SKAP1: variants seen among roughly 807,000 people sequenced by gnomAD.
The protein encoded by SKAP1 is src kinase associated phosphoprotein 1.
A neutral mutation model predicts 58.5 loss-of-function variants in SKAP1; 44 were observed. The observed-to-expected ratio is 0.75, with a 90% confidence interval of 0.59 to 0.97. The LOEUF is 0.97. Among genes scored for constraint, SKAP1 ranks in the 50% least tolerant of loss-of-function variants. The pLI is 0.00. For missense variants in SKAP1, 390 were observed against 435.2 expected, an observed-to-expected ratio of 0.90 and a Z score of 0.92; for synonymous variants, 127 against 149.7, an observed-to-expected ratio of 0.85 and a Z score of 1.11.
At chr17:48,371,836 CAA>C (rs1440793501) in intron 2 of SKAP1, among the ~76,000 whole-genome samples, 4 of 119,274 alleles carry the variant, frequency 3.4e-5, no homozygotes, top group Admixed American at 8.7e-5. Flanking sequence ...GACCCTGTCT[CAA>C]AAAAAAAAAG....
chr17:48,262,578 A>G (rs1041699242), intron 4 of SKAP1, among the ~76,000 whole-genome samples: 1 of 152,232 alleles, frequency 6.6e-6, no homozygotes, highest in African/African-American at 2.4e-5. Flanking sequence ...TAAAATAAAC[A>G]ATGTATATTG....
chr17:48,144,910 A>G (rs2063810032), intron 11 of SKAP1, among the ~76,000 whole-genome samples: 1 of 152,196 alleles, frequency 6.6e-6, no homozygotes. Flanking sequence ...GCACATCTAC[A>G]AGTGACTGTG....
chr17:48,272,856 T>C (rs539037196), intron 4 of SKAP1, among the ~76,000 whole-genome samples: 2 of 152,328 alleles, frequency 1.3e-5, no homozygotes, highest in East Asian at 3.9e-4. Flanking sequence ...TGTGCCCAGC[T>C]GAAGAGGATC....
At position 48,296,549 on chromosome 17, in the gene SKAP1, T is replaced by C. The variant is rs112268124; in HGVS notation, c.280+49356A>G. 4.0e-3 allele frequency among the ~76,000 whole-genome samples: 609 copies of C among 152,300 alleles called. 8 individuals carry two copies. Among genetic ancestry groups the C allele is most frequent in the African/African-American group, 0.014 (583 of 41,560 alleles). On this transcript the variant is annotated intron_variant, in intron 4 of 12. Transcript: ENST00000336915. ...ACCATATATGCTGCCAGAATACATG[T>C]ATCTACTTTAAGTTTGCAAATATTC...
At chr17:48,387,386 A>G (rs1199881467) in intron 2 of SKAP1, among the ~76,000 whole-genome samples, 1 of 152,150 alleles carries the variant, frequency 6.6e-6, no homozygotes, top group Non-Finnish European at 1.5e-5. Context: ...TAAGACACCC[A>G]TGCCACTATC....
intron 4 of SKAP1, among the ~76,000 whole-genome samples, chr17:48,236,358 C>T (rs893652221): frequency 6.6e-6 from 1 of 152,076 alleles, no homozygotes; most frequent in African/African-American, 2.4e-5. Flanking sequence ...TTTGGGAGCA[C>T]AGAGAGGGTA....
intron 4 of SKAP1, among the ~76,000 whole-genome samples, chr17:48,304,066 A>C (rs541676933): frequency 1.4e-4 from 22 of 152,344 alleles, no homozygotes; most frequent in African/African-American, 5.0e-4. Flanking sequence ...TTAAATTCAC[A>C]ATCAGCTATA....
chr17:48,210,563 T>A (rs2064859913), intron 4 of SKAP1, among the ~76,000 whole-genome samples: 2 of 151,990 alleles, frequency 1.3e-5, no homozygotes, highest in Non-Finnish European at 2.9e-5. Flanking sequence ...GCAAGAGAAG[T>A]GCTATAGGCA....
intron 7 of SKAP1, among the ~76,000 whole-genome samples, chr17:48,184,403 C>G (rs1281520057): frequency 6.6e-6 from 1 of 151,940 alleles, no homozygotes; most frequent in African/African-American, 2.4e-5. Flanking sequence ...GGAATTTAAA[C>G]CATAAAATCG....
At chr17:48,202,649 G>A (rs1276738781) in intron 4 of SKAP1, among the ~76,000 whole-genome samples, 1 of 152,176 alleles carries the variant, frequency 6.6e-6, no homozygotes, top group Non-Finnish European at 1.5e-5. Flanking sequence ...AGGGGAAAAT[G>A]AGGGTGATGT....
chr17:48,137,092 G>A (rs749662962), intron 12 of SKAP1, 137 bp downstream of exon 12: 14 of 569,108 alleles, frequency 2.5e-5, no homozygotes, highest in Non-Finnish European at 3.8e-5. Flanking sequence ...CTTTCCATCA[G>A]TGGTGAATCA....
chr17:48,352,744 G>A (rs1239469939), intron 3 of SKAP1, among the ~76,000 whole-genome samples: 2 of 152,088 alleles, frequency 1.3e-5, no homozygotes, highest in Non-Finnish European at 2.9e-5. Flanking sequence ...CAAAGATGAA[G>A]ATAAAGAAAT....
At chr17:48,351,096 C>T (rs2066794662) in intron 3 of SKAP1, among the ~76,000 whole-genome samples, 1 of 152,136 alleles carries the variant, frequency 6.6e-6, no homozygotes, top group Admixed American at 6.5e-5. Flanking sequence ...TATAACCATT[C>T]AACTAAGTTA....
chr17:48,195,791 A>G (rs2064618568), intron 4 of SKAP1, among the ~76,000 whole-genome samples: 1 of 152,190 alleles, frequency 6.6e-6, no homozygotes, highest in Non-Finnish European at 1.5e-5. Flanking sequence ...TGAGACCTCA[A>G]TAGACTCATG....
At chr17:48,366,038 A>G (rs914433160) in intron 2 of SKAP1, among the ~76,000 whole-genome samples, 13 of 152,214 alleles carry the variant, frequency 8.5e-5, no homozygotes, top group Non-Finnish European at 1.5e-4. Context: ...ACAAGCTTGC[A>G]GTTTAAAGGG....
At chr17:48,163,791 C>A (rs946168292) in intron 10 of SKAP1, among the ~76,000 whole-genome samples, 5 of 151,990 alleles carry the variant, frequency 3.3e-5, no homozygotes, top group African/African-American at 1.2e-4. Context: ...TCCTGACTTA[C>A]GAGCAATTTA....
intron 11 of SKAP1, among the ~76,000 whole-genome samples, chr17:48,145,444 G>A (rs2063820452): frequency 6.6e-6 from 1 of 150,410 alleles, no homozygotes; most frequent in African/African-American, 2.4e-5. Context: ...TACCAAACCT[G>A]CCATAAAAAG....
intron 4 of SKAP1, among the ~76,000 whole-genome samples, chr17:48,300,944 G>T (rs1206235209): frequency 1.3e-5 from 2 of 152,074 alleles, no homozygotes; most frequent in African/African-American, 4.8e-5. Context: ...TGAGTCCCCT[G>T]CCTGTTAGCC....
chr17:48,222,869 G>A (rs2065020460), intron 4 of SKAP1, among the ~76,000 whole-genome samples: 1 of 150,668 alleles, frequency 6.6e-6, no homozygotes, highest in Non-Finnish European at 1.5e-5. Flanking sequence ...TTCGAGACCA[G>A]CTTGGCCAAC....
Sources: gnomAD v4.1 joint callset for allele counts (sites outside exome capture counted in the v4.1 genomes callset) on GRCh38, gnomAD v4.1.1 for gene constraint, MANE v1.5 for transcripts, NCBI Gene and HGNC (gene_info 2026-07-23, HGNC 2026-07-21) for gene names.